LPP: variants seen among roughly 807,000 people sequenced by gnomAD.
LPP encodes the protein lipoma-preferred partner.
A neutral mutation model predicts 60.4 loss-of-function variants in LPP; 38 were observed. The observed-to-expected ratio is 0.63, with a 90% CI of 0.49 to 0.83. The LOEUF is 0.83. Among genes scored for constraint, LPP ranks in the 40% least tolerant of loss-of-function variants. The pLI is 0.00. For missense variants in LPP, 902 were observed against 783.6 expected, an observed-to-expected ratio of 1.15 and a Z score of -1.80; for synonymous variants, 328 against 290.8, an observed-to-expected ratio of 1.13 and a Z score of -1.30.
intron 6 of LPP, among the ~76,000 whole-genome samples, chr3:188,608,729 G>T (rs1842997055): frequency 6.6e-6 from 1 of 152,076 alleles, no homozygotes; most frequent in Non-Finnish European, 1.5e-5. Context: ...TTTAGATAGG[G>T]ATCTCACTGC....
intron 6 of LPP, chr3:188,554,123 T>C (rs1828885531): frequency 6.6e-6 from 1 of 152,180 alleles, no homozygotes. Flanking sequence ...CTGCAAGTTG[T>C]TTCTCACGTG....
rs1305896489 is a variant in LPP at position 188,250,788 on chromosome 3, GTCTTTCTCTT to G, written c.-67+25269_-67+25278del. Among the ~76,000 whole-genome samples the G allele has an allele frequency of 3.8e-3, 182 of 48,060 alleles. 1 individual carries two copies. The highest frequency in any genetic ancestry group is 0.014 in the African/African-American group (151 of 10,742). 31.5% of individuals were successfully genotyped at this position (48,060 alleles called of 152,430 possible). On this transcript the variant is annotated intron_variant, in intron 2 of 11. Transcript: ENST00000617246. ...TTTCTTTCTTTCTTTCTTTCTTTCTGTCTTTCTCTTTCTTTCTTTCTCTTTCTTTCTTTCT... is the reference window on the plus strand; with the variant it reads ...TTTCTTTCTTTCTTTCTTTCTTTCTGTCTTTCTTTCTCTTTCTTTCTTTCT...
chr3:188,404,671 C>T (rs1783020655), intron 3 of LPP, among the ~76,000 whole-genome samples: 1 of 152,204 alleles, frequency 6.6e-6, no homozygotes, highest in Admixed American at 6.5e-5. Context: ...TCCCCTCCAC[C>T]CTGTCTCTCT....
intron 6 of LPP, among the ~76,000 whole-genome samples, chr3:188,534,086 C>T (rs1408363539): frequency 6.6e-6 from 1 of 152,162 alleles, no homozygotes; most frequent in African/African-American, 2.4e-5. Context: ...TTTCATTTGT[C>T]CCAGTGTAAG....
intron 10 of LPP, among the ~76,000 whole-genome samples, chr3:188,867,318 AT>A (rs1215889478): frequency 6.8e-6 from 1 of 147,978 alleles, no homozygotes; most frequent in African/African-American, 2.5e-5. Context: ...TTATATATAA[AT>A]ATATTTATTT....
At chr3:188,531,122 A>G (rs1822075506) in intron 6 of LPP, among the ~76,000 whole-genome samples, 1 of 152,150 alleles carries the variant, frequency 6.6e-6, no homozygotes, top group African/African-American at 2.4e-5. Flanking sequence ...TTACGTTAAT[A>G]TTTCATGGTA....
intron 6 of LPP, among the ~76,000 whole-genome samples, chr3:188,602,644 G>A (rs576439784): frequency 6.6e-6 from 1 of 150,932 alleles, no homozygotes; most frequent in African/African-American, 2.4e-5. Flanking sequence ...TTCTTTTATA[G>A]GTACCTCGAC....
At chr3:188,591,589 G>A (rs577951935) in intron 6 of LPP, among the ~76,000 whole-genome samples, 36 of 152,150 alleles carry the variant, frequency 2.4e-4, no homozygotes, top group African/African-American at 7.9e-4. Flanking sequence ...TCCTAGTTAG[G>A]GCCTCATCAT....
At chr3:188,679,626 C>T (rs1209520951) in intron 7 of LPP, among the ~76,000 whole-genome samples, 4 of 151,130 alleles carry the variant, frequency 2.6e-5, no homozygotes, top group Admixed American at 6.6e-5. Flanking sequence ...GGTAAATTTG[C>T]CTGTGCTCAG....
Position 188,889,036 on chromosome 3 carries a change from G to A in LPP, c.*14557G>A, listed in dbSNP as rs565288533. On this transcript the variant is annotated 3_prime_UTR_variant, in exon 12 of 12. Transcript: ENST00000617246. ...ATGTGTGTTCTATAAACTAAGCATC[G>A]GTGGGTTTAGAGTGTTAAAGTGTCA... 86 of 220,484 alleles carry A rather than the reference G, an allele frequency of 3.9e-4. No individual in the cohort carries two copies. In the Middle Eastern group the frequency reaches 5.5e-3, roughly 14 times the overall value. 13.7% of individuals were successfully genotyped at this position (220,484 alleles called of 1,614,324 possible).
intron 5 of LPP, among the ~76,000 whole-genome samples, chr3:188,499,815 G>A (rs1294556429): frequency 6.6e-6 from 1 of 151,722 alleles, no homozygotes; most frequent in Admixed American, 6.6e-5. Flanking sequence ...ATTGTTCAAG[G>A]CTTTTAACTA....
intron 8 of LPP, chr3:188,709,262 A>C (rs2149707501): frequency 6.6e-6 from 1 of 152,350 alleles, no homozygotes; most frequent in Non-Finnish European, 1.5e-5. Context: ...GAAAGAGGTA[A>C]GACAAGCATA....
At chr3:188,431,887 C>T (rs1296221951) in intron 4 of LPP, among the ~76,000 whole-genome samples, 8 of 152,192 alleles carry the variant, frequency 5.3e-5, no homozygotes, top group Non-Finnish European at 7.3e-5. Context: ...TAGGTTGTGA[C>T]ATGGGTCATA....
At chr3:188,301,363 C>T (rs1219461432) in intron 2 of LPP, among the ~76,000 whole-genome samples, 1 of 152,158 alleles carries the variant, frequency 6.6e-6, no homozygotes, top group African/African-American at 2.4e-5. Context: ...AACCAGAGCT[C>T]GGCCATTTTT....
chr3:188,160,263 C>G (rs377279783), intron 1 of LPP, among the ~76,000 whole-genome samples: 1 of 149,052 alleles, frequency 6.7e-6, no homozygotes, highest in African/African-American at 2.5e-5. Flanking sequence ...GGCCCGATCT[C>G]GGCTCACTGC....
At chr3:188,507,247 G>A (rs1395949497) in intron 5 of LPP, among the ~76,000 whole-genome samples, 1 of 152,110 alleles carries the variant, frequency 6.6e-6, no homozygotes, top group Non-Finnish European at 1.5e-5. Flanking sequence ...GATGCTTTTG[G>A]GGTTGTTGTA....
chr3:188,502,965 A>AAT (rs1477350033), intron 5 of LPP, among the ~76,000 whole-genome samples: 1 of 152,118 alleles, frequency 6.6e-6, no homozygotes, highest in Non-Finnish European at 1.5e-5. Context: ...ATGGTAAAAA[A>AAT]ATTGTAAGTC....
chr3:188,850,597 C>A (rs1762468020), intron 9 of LPP, among the ~76,000 whole-genome samples: 1 of 151,992 alleles, frequency 6.6e-6, no homozygotes, highest in Admixed American at 6.6e-5. Flanking sequence ...ATATAAATGT[C>A]ATTTACTTTG....
intron 1 of LPP, among the ~76,000 whole-genome samples, chr3:188,173,463 C>T (rs1310648671): frequency 5.3e-5 from 8 of 151,766 alleles, no homozygotes; most frequent in Admixed American, 5.3e-4. Flanking sequence ...GAGATTGTGC[C>T]ATTGTACTCC....
Sources: gnomAD v4.1 joint callset for allele counts (sites outside exome capture counted in the v4.1 genomes callset) on GRCh38, gnomAD v4.1.1 for gene constraint, MANE v1.5 for transcripts, NCBI Gene and HGNC (gene_info 2026-07-23, HGNC 2026-07-21) for gene names.